Variants in PCDH15 observed in about 807,000 individuals in gnomAD.
PCDH15 encodes the protein protocadherin related 15.
A neutral mutation model predicts 178.5 loss-of-function variants in PCDH15; 129 were observed. The observed-to-expected ratio is 0.72, with a 90% CI of 0.63 to 0.84. The LOEUF (loss-of-function observed/expected upper bound fraction) is 0.84, where lower values mean the gene tolerates loss of function less well. Ranked by LOEUF, PCDH15 falls within the 40% of genes least tolerant of loss-of-function variation. PCDH15 has a pLI of 0.00. For synonymous variants in PCDH15, 800 were observed against 732.0 expected (o/e 1.09, Z -1.50); for missense variants, 2,230 against 2,099.9 (o/e 1.06, Z -1.21).
intron 20 of PCDH15, among the ~76,000 whole-genome samples, chr10:53,997,158 T>C (rs559291922): frequency 6.6e-6 from 1 of 152,218 alleles, no homozygotes; most frequent in South Asian, 2.1e-4. Context: ...ATAAAAAATA[T>C]CATTTCTTCT....
intron 28 of PCDH15, among the ~76,000 whole-genome samples, chr10:53,841,263 AG>A (rs1257587148): frequency 6.6e-6 from 1 of 152,150 alleles, no homozygotes. Context: ...ATAAATATTA[AG>A]AGCATATAAT....
At chr10:55,256,400 C>T (rs1356709349) in intron 1 of PCDH15, among the ~76,000 whole-genome samples, 4 of 152,110 alleles carry the variant, frequency 2.6e-5, no homozygotes, top group African/African-American at 2.4e-5. Flanking sequence ...TGCAGCACAC[C>T]GAGCATGAGC....
At chr10:53,836,509 C>T (rs1000814517) in intron 29 of PCDH15, among the ~76,000 whole-genome samples, 2 of 126,698 alleles carry the variant, frequency 1.6e-5, no homozygotes, top group Non-Finnish European at 3.5e-5. Flanking sequence ...GAAAACCCTA[C>T]AGCACGCAGG....
chr10:55,226,173 GA>G (rs1841032482), intron 1 of PCDH15, among the ~76,000 whole-genome samples: 1 of 152,030 alleles, frequency 6.6e-6, no homozygotes, highest in African/African-American at 2.4e-5. Context: ...GCTAAAATAT[GA>G]ACTGGCAGCC....
chr10:54,939,970 G>A (rs892501381), intron 2 of PCDH15, among the ~76,000 whole-genome samples: 2 of 152,074 alleles, frequency 1.3e-5, no homozygotes, highest in Non-Finnish European at 2.9e-5. Context: ...AATTTGGAGG[G>A]ACACATTCAG....
chr10:55,293,512 C>A (rs1379825203), intron 1 of PCDH15, among the ~76,000 whole-genome samples: 1 of 152,160 alleles, frequency 6.6e-6, no homozygotes, highest in Non-Finnish European at 1.5e-5. Flanking sequence ...ATTTTTCAAA[C>A]TTTTATGCTC....
chr10:54,729,795 T>C (rs72794578), intron 1 of PCDH15, among the ~76,000 whole-genome samples: 8,260 of 151,346 alleles, frequency 0.055, 316 homozygotes, highest in Non-Finnish European at 0.088. Context: ...AAACAACCTA[T>C]AAAAACATTC....
intron 2 of PCDH15, among the ~76,000 whole-genome samples, chr10:55,418,333 G>T (rs1007043057): frequency 1.3e-5 from 2 of 151,694 alleles, no homozygotes; most frequent in African/African-American, 4.8e-5. Context: ...TGGGAAATTG[G>T]AGTTGGAGAG....
At chr10:53,970,826 C>T (rs112207486) in intron 21 of PCDH15, among the ~76,000 whole-genome samples, 2,066 of 152,120 alleles carry the variant, frequency 0.014, 46 homozygotes, top group African/African-American at 0.045. Context: ...AAGTCCAGGA[C>T]CAGATGGATT....
chr10:55,183,240 T>C (rs1839700874), intron 1 of PCDH15, among the ~76,000 whole-genome samples: 1 of 152,032 alleles, frequency 6.6e-6, no homozygotes, highest in Admixed American at 6.6e-5. Flanking sequence ...TGTCTCATTT[T>C]AGAAATATTG....
At chr10:54,206,687 G>T (rs113009208) in intron 10 of PCDH15, among the ~76,000 whole-genome samples, 6,706 of 125,696 alleles carry the variant, frequency 0.053, 188 homozygotes, top group Middle Eastern at 0.11. Context: ...AGCCTAGAAG[G>T]TATTGAGGGT....
At chr10:55,171,717 G>A (rs1839336030) in intron 1 of PCDH15, among the ~76,000 whole-genome samples, 3 of 151,910 alleles carry the variant, frequency 2.0e-5, no homozygotes, top group African/African-American at 7.2e-5. Flanking sequence ...TGTGATTCAA[G>A]ACTACACAAT....
intron 2 of PCDH15, among the ~76,000 whole-genome samples, chr10:54,947,151 T>C (rs1591800387): frequency 6.6e-6 from 1 of 151,882 alleles, no homozygotes; most frequent in Non-Finnish European, 1.5e-5. Context: ...GAAAAAATAG[T>C]AAGACGTAAT....
intron 18 of PCDH15, among the ~76,000 whole-genome samples, chr10:54,036,218 T>C (rs972543489): frequency 2.0e-5 from 3 of 151,956 alleles, no homozygotes; most frequent in Admixed American, 2.0e-4. Flanking sequence ...AAGATATTTG[T>C]AGAGGGTGGC....
intron 2 of PCDH15, among the ~76,000 whole-genome samples, chr10:54,624,332 G>T (rs1041542293): frequency 1.3e-5 from 2 of 152,290 alleles, no homozygotes; most frequent in Non-Finnish European, 2.9e-5. Flanking sequence ...GAGTTTAAAA[G>T]AATTAGTAGC....
At chr10:55,433,242 T>C (rs1041952688) in intron 2 of PCDH15, among the ~76,000 whole-genome samples, 9 of 152,130 alleles carry the variant, frequency 5.9e-5, no homozygotes, top group African/African-American at 1.9e-4. Context: ...AGGTGGTATG[T>C]ATACCCCATT....
At chr10:54,088,892 T>C (rs896167046) in intron 16 of PCDH15, among the ~76,000 whole-genome samples, 7 of 152,124 alleles carry the variant, frequency 4.6e-5, no homozygotes, top group Non-Finnish European at 8.8e-5. Context: ...TGCTTATATA[T>C]CTATCTTTAT....
chr10:55,397,751 A>G (rs1012468491), intron 2 of PCDH15, among the ~76,000 whole-genome samples: 5 of 151,220 alleles, frequency 3.3e-5, no homozygotes, highest in Admixed American at 3.3e-4. Context: ...ACGCCTGGCT[A>G]ATTTTTGTAT....
chr10:55,390,926 C>A (rs1837777608), intron 2 of PCDH15, among the ~76,000 whole-genome samples: 1 of 152,184 alleles, frequency 6.6e-6, no homozygotes, highest in South Asian at 2.1e-4. Flanking sequence ...GCAGATCTAA[C>A]ATTAAGACTT....
Sources: gnomAD v4.1 joint callset for allele counts (sites outside exome capture counted in the v4.1 genomes callset) on GRCh38, gnomAD v4.1.1 for gene constraint, MANE v1.5 for transcripts, NCBI Gene and HGNC (gene_info 2026-07-23, HGNC 2026-07-21) for gene names.